The following CPNE8 variants were observed in gnomAD, a reference collection of about 807,000 sequenced individuals.
CPNE8 encodes the protein copine-8.
Under a neutral mutation model 81.5 loss-of-function variants are expected in CPNE8, and 45 were observed. The observed-to-expected ratio is 0.55, with a 90% CI of 0.44 to 0.71. CPNE8 has a LOEUF of 0.71. Ranked by LOEUF, CPNE8 falls within the 30% of genes least tolerant of loss-of-function variation. The pLI, the probability that CPNE8 is intolerant of heterozygous loss-of-function variation, is 0.00. For missense variants in CPNE8, 594 were observed against 672.1 expected (o/e 0.88, Z 1.28); for synonymous variants, 252 against 226.3 (o/e 1.11, Z -1.02).
intron 3 of CPNE8, among the ~76,000 whole-genome samples, chr12:38,870,390 C>T (rs1345271664): frequency 1.3e-5 from 2 of 152,170 alleles, no homozygotes; most frequent in Admixed American, 1.3e-4. Context: ...TTGGAACCAA[C>T]CCAAATGCCC....
intron 6 of CPNE8, among the ~76,000 whole-genome samples, chr12:38,825,525 C>T (rs1429188832): frequency 6.6e-6 from 1 of 152,202 alleles, no homozygotes; most frequent in Non-Finnish European, 1.5e-5. Flanking sequence ...TTTTGCTCTT[C>T]CTCAACCCAA....
intron 1 of CPNE8, among the ~76,000 whole-genome samples, chr12:38,899,137 T>C (rs1944426028): frequency 6.6e-6 from 1 of 152,200 alleles, no homozygotes; most frequent in Non-Finnish European, 1.5e-5. Flanking sequence ...CCACTTCTAA[T>C]AGTGACAGTC....
At chr12:38,866,087 T>C (rs1943908886) in intron 3 of CPNE8, among the ~76,000 whole-genome samples, 1 of 152,266 alleles carries the variant, frequency 6.6e-6, no homozygotes, top group African/African-American at 2.4e-5. Flanking sequence ...AATACAGTAT[T>C]TGTCTGAGTA....
At chr12:38,805,540 T>C (rs1325277453) in intron 6 of CPNE8, among the ~76,000 whole-genome samples, 12 of 105,634 alleles carry the variant, frequency 1.1e-4, no homozygotes, top group South Asian at 8.2e-4. Context: ...AGGGATAGCA[T>C]TGGGAGATAT....
chr12:38,821,096 G>A (rs946748121), intron 6 of CPNE8, among the ~76,000 whole-genome samples: 5 of 151,918 alleles, frequency 3.3e-5, no homozygotes, highest in African/African-American at 9.7e-5. Flanking sequence ...GAAAAAAATC[G>A]TAAATTTTCC....
At chr12:38,798,202 C>A (rs904287841) in intron 6 of CPNE8, among the ~76,000 whole-genome samples, 1 of 152,050 alleles carries the variant, frequency 6.6e-6, no homozygotes, top group African/African-American at 2.4e-5. Flanking sequence ...CAGAGAACGC[C>A]ACAAAGATAC....
intron 14 of CPNE8, among the ~76,000 whole-genome samples, chr12:38,695,454 T>C (rs1939772002): frequency 6.6e-6 from 1 of 152,166 alleles, no homozygotes; most frequent in African/African-American, 2.4e-5. Flanking sequence ...ACCTTTTGTT[T>C]TGGAGTAGTT....
chr12:38,904,775 G>A (rs978788453), intron 1 of CPNE8, among the ~76,000 whole-genome samples: 2 of 152,040 alleles, frequency 1.3e-5, no homozygotes, highest in Non-Finnish European at 2.9e-5. Context: ...CACTGCGCCC[G>A]GCCGAGAGTC....
chr12:38,715,435 G>A (rs918688552), intron 13 of CPNE8, among the ~76,000 whole-genome samples: 2 of 151,912 alleles, frequency 1.3e-5, no homozygotes, highest in East Asian at 1.9e-4. Flanking sequence ...AGCATAACCC[G>A]ACAGTGGAAA....
intron 13 of CPNE8, among the ~76,000 whole-genome samples, chr12:38,710,960 C>T (rs1940240797): frequency 6.6e-6 from 1 of 152,136 alleles, no homozygotes. Flanking sequence ...CTGCTCCCAG[C>T]CCCCAACCTT....
At chr12:38,871,862 G>T (rs370941733) in intron 3 of CPNE8, among the ~76,000 whole-genome samples, 4 of 152,152 alleles carry the variant, frequency 2.6e-5, no homozygotes, top group Non-Finnish European at 5.9e-5. Flanking sequence ...TGAGCTGGGC[G>T]TGGTGGCTCA....
intron 4 of CPNE8, among the ~76,000 whole-genome samples, chr12:38,846,279 C>A (rs1943559039): frequency 6.6e-6 from 1 of 152,124 alleles, no homozygotes; most frequent in Admixed American, 6.5e-5. Flanking sequence ...TAAATTAAAT[C>A]TTTTATTTGG....
chr12:38,813,955 G>A (rs528003022), intron 6 of CPNE8, among the ~76,000 whole-genome samples: 30 of 152,242 alleles, frequency 2.0e-4, no homozygotes, highest in African/African-American at 2.6e-4. Flanking sequence ...TACATGACAC[G>A]GAGGAGGTCC....
In CPNE8 at chr12:38,902,411, GAAAGAAAAAGAAAGAAAGAA is replaced by G. The variant is rs1565670392; in HGVS notation, c.98+3006_98+3025del. Among the ~76,000 whole-genome samples the G allele has an allele frequency of 2.3e-4, 32 of 137,770 alleles. 5 individuals are homozygous for G. The highest frequency in any genetic ancestry group is 1.0e-3 in the African/African-American group (32 of 31,456). 90.4% of individuals were successfully genotyped at this position (137,770 alleles called of 152,430 possible). On this transcript the variant is annotated intron_variant, in intron 1 of 19. Coordinates refer to ENST00000331366, the MANE Select transcript of CPNE8 (RefSeq NM_153634.3). ...AAAGAAAGAGAAAGAAAGAAAGAAA[GAAAGAAAAAGAAAGAAAGAA>G]AGAAAGGAGAGAGAGAAAGAAAGAT...
intron 19 of CPNE8, among the ~76,000 whole-genome samples, chr12:38,661,519 A>T (rs1938951916): frequency 6.6e-6 from 1 of 152,168 alleles, no homozygotes; most frequent in Non-Finnish European, 1.5e-5. Flanking sequence ...TGATGAGTTG[A>T]TGGGTGCAGC....
chr12:38,670,771 T>A lies in CPNE8; in HGVS notation c.1464A>T (p.Arg488Ser). The change falls in exon 19 of 20, where the codon AGA (arginine) becomes AGT (serine). Residue 488 changes from arginine (R) to serine (S), a missense_variant. By Grantham distance (110) the Arg-to-Ser change is moderately radical. Transcript: ENST00000331366. ...CAGCATATTTTCCTCTAGAGGAGAC[T>A]CTTACATCATCTCCATCCAATTCGA... ...AMVELDGDDV[R>S]VSSRGKYAER... is the part of the protein sequence containing the mutation. The A allele has an allele frequency of 1.2e-6, 2 of 1,610,106 alleles. No homozygotes were observed. Among genetic ancestry groups the A allele is most frequent in the South Asian group, 2.2e-5 (2 of 90,700 alleles).
intron 10 of CPNE8, among the ~76,000 whole-genome samples, chr12:38,733,652 T>C (rs545949694): frequency 6.6e-6 from 1 of 152,100 alleles, no homozygotes; most frequent in Non-Finnish European, 1.5e-5. Context: ...CTGGCTTGTG[T>C]CTGTTTACGT....
intron 5 of CPNE8, 55 bp downstream of exon 5, chr12:38,839,861 A>C: frequency 7.0e-7 from 1 of 1,419,540 alleles, no homozygotes; most frequent in Non-Finnish European, 9.5e-7. Flanking sequence ...ATAAGTCAGC[A>C]TAAGTACTAA....
chr12:38,711,920 T>G (rs1940269298), intron 13 of CPNE8, among the ~76,000 whole-genome samples: 1 of 152,152 alleles, frequency 6.6e-6, no homozygotes, highest in South Asian at 2.1e-4. Flanking sequence ...GAGTTCAGTT[T>G]TGATATGATA....
Sources: gnomAD v4.1 joint callset for allele counts (sites outside exome capture counted in the v4.1 genomes callset) on GRCh38, gnomAD v4.1.1 for gene constraint, MANE v1.5 for transcripts, NCBI Gene and HGNC (gene_info 2026-07-23, HGNC 2026-07-21) for gene names.